Variants in BDH1 observed in about 807,000 individuals in gnomAD.
BDH1 encodes 3-hydroxybutyrate dehydrogenase 1, also known as D-beta-hydroxybutyrate dehydrogenase, mitochondrial.
BDH1 carries 30 observed loss-of-function variants against 33.1 expected under a neutral mutation model. The ratio of observed to expected loss-of-function variants is 0.91; its 90% CI spans 0.68 to 1.23. The LOEUF (loss-of-function observed/expected upper bound fraction) is 1.23. Ranked by LOEUF, BDH1 falls within the 50% of genes most tolerant of loss-of-function variation. The pLI is 0.00. For synonymous variants in BDH1, 190 were observed against 183.6 expected (o/e 1.03, Z -0.28); for missense variants, 443 against 464.4 (o/e 0.95, Z 0.42).
Position 197,511,982 on chromosome 3 carries a change from G to T in BDH1, c.945C>A (p.Tyr315Ter). Residue 315 changes from tyrosine to a stop codon, truncating the protein, a stop_gained, in exon 8 of 8, where the codon TAC becomes TAA. Coordinates refer to ENST00000392379, the MANE Select transcript of BDH1 (RefSeq NM_203314.3). LOFTEE classifies it high-confidence loss of function. ...ALTATTPYTR[Y>*]HPMDYYWWLR... ...GCCACCAGTAGTAGTCCATGGGGTG[G>T]TAGCGGGTGTAGGGGGTGGTGGCGG... 1 of 1,611,792 alleles carries T rather than the reference G, an allele frequency of 6.2e-7. No individual in the cohort carries two copies. Among genetic ancestry groups the T allele is most frequent in the Non-Finnish European group, 8.5e-7 (1 of 1,178,760 alleles).
chr3:197,541,369 T>C (rs1579964139), intron 3 of BDH1, among the ~76,000 whole-genome samples: 1 of 152,342 alleles, frequency 6.6e-6, no homozygotes, highest in African/African-American at 2.4e-5. Flanking sequence ...CCCTGTTTAT[T>C]AGAATCACTT....
At chr3:197,524,746 G>A (rs1489907938) in intron 5 of BDH1, among the ~76,000 whole-genome samples, 2 of 150,288 alleles carry the variant, frequency 1.3e-5, no homozygotes, top group African/African-American at 4.9e-5. Context: ...ATGTTTGGGG[G>A]TTGGGGGGAT....
At chr3:197,562,056 C>G (rs923549863) in intron 1 of BDH1, among the ~76,000 whole-genome samples, 2 of 152,152 alleles carry the variant, frequency 1.3e-5, no homozygotes, top group Non-Finnish European at 2.9e-5. Flanking sequence ...ATCTAAAGCT[C>G]TGTTTTCCTG....
At position 197,512,198 on chromosome 3, in the gene BDH1, A is replaced by G. The variant is rs773135340; in HGVS notation, c.729T>C (p.Ala243=). The G allele has an allele frequency of 6.2e-7, 1 of 1,613,954 alleles. No homozygotes were observed. The highest frequency in any genetic ancestry group is 1.3e-5 in the African/African-American group (1 of 74,930). ...TCTCAGGGCTGTAAAGGCTGGTGGCAGCGATGAAGTTGCCGGGCTCCACCA... is the reference window on the plus strand; with the variant it reads ...TCTCAGGGCTGTAAAGGCTGGTGGCGGCGATGAAGTTGCCGGGCTCCACCA... The part of the protein sequence containing the change: ...VSVVEPGNFI[A]ATSLYSPESI... Residue 243 remains alanine (A), a synonymous_variant, in exon 8 of 8, where the codon GCT becomes GCC. Transcript: ENST00000392379.
intron 3 of BDH1, chr3:197,538,485 G>A (rs1443704138): frequency 1.9e-5 from 8 of 425,084 alleles, no homozygotes; most frequent in South Asian, 6.9e-5. Context: ...CTGAGTAGCC[G>A]GGACTACAGG....
At position 197,538,326 on chromosome 3, in the gene BDH1, C is replaced by T. The variant is rs543057129; in HGVS notation, c.84-4765G>A. Reference sequence around the variant, plus strand: ...CTTACCTTTTCTGTATACCATTTGACGCCATTCAAATTTTGTTTTTTGTTT... The same window carrying T: ...CTTACCTTTTCTGTATACCATTTGATGCCATTCAAATTTTGTTTTTTGTTT... On this transcript the variant is annotated intron_variant, in intron 3 of 7. Coordinates refer to ENST00000392379, the MANE Select transcript of BDH1 (RefSeq NM_203314.3). The T allele has an allele frequency of 2.7e-4, 125 of 456,214 alleles. 3 individuals carry two copies. The highest frequency in any genetic ancestry group is 1.5e-3 in the East Asian group (21 of 14,394). 28.3% of individuals were successfully genotyped at this position (456,214 alleles called of 1,614,324 possible).
rs1313965097 is a variant in BDH1, at chr3:197,526,028, A to T, written c.268-3247T>A. Among the ~76,000 whole-genome samples, 1 of 152,134 alleles carries T rather than the reference A, an allele frequency of 6.6e-6. No homozygotes were observed. The highest frequency in any genetic ancestry group is 6.5e-5 in the Admixed American group (1 of 15,276). On this transcript the variant is annotated intron_variant, in intron 5 of 7. Transcript: ENST00000392379. The surrounding 1 kb of genome is among the most constrained non-coding windows in gnomAD (Gnocchi z 4.7). ...GGCTTATTGATAAACCCACTTCTTT[A>T]TCTTACTGTCCCTTTCAACCTCACC... is the stretch of plus-strand genomic sequence containing the variant.
chr3:197,547,861 TC>T (rs58144380), intron 2 of BDH1, among the ~76,000 whole-genome samples: 14,871 of 152,246 alleles, frequency 0.098, 1,133 homozygotes, highest in African/African-American at 0.21. Flanking sequence ...TCTGCCCTCA[TC>T]CTGGATGCTG....
intron 3 of BDH1, among the ~76,000 whole-genome samples, chr3:197,537,952 C>T (rs924639165): frequency 1.3e-5 from 2 of 152,062 alleles, no homozygotes; most frequent in African/African-American, 2.4e-5. Flanking sequence ...TCTGGGTTGC[C>T]GGCTGCTTCA....
At chr3:197,565,570 A>G (rs982115282) in intron 1 of BDH1, among the ~76,000 whole-genome samples, 9 of 152,178 alleles carry the variant, frequency 5.9e-5, no homozygotes, top group African/African-American at 2.2e-4. Flanking sequence ...ATTTATATAA[A>G]TATGTTATTG....
chr3:197,546,625 A>T (rs1716102217), intron 2 of BDH1, 139 bp from the exon 3 acceptor site: 6 of 591,550 alleles, frequency 1.0e-5, no homozygotes, highest in Non-Finnish European at 1.8e-5. Context: ...ACCACCAGGT[A>T]GTCCACTCTG....
chr3:197,557,450 A>C (rs59831060), upstream of BDH1, among the ~76,000 whole-genome samples: 1 of 152,356 alleles, frequency 6.6e-6, no homozygotes, highest in East Asian at 1.9e-4. This position sits in a 1 kb window ranked among gnomAD's most constrained non-coding sequence, Gnocchi z 4.6. Flanking sequence ...ATGAAGATTT[A>C]AAGAAAACTG....
rs1713792504 is a variant in BDH1 at position 197,523,655 on chromosome 3, T to A, written c.268-874A>T. ...AGGTCAAGATCAATCATTCAGCCCCTGTTCCCAGAGTCGTGTTCTAGGGAA... is the reference window on the plus strand; with the variant it reads ...AGGTCAAGATCAATCATTCAGCCCCAGTTCCCAGAGTCGTGTTCTAGGGAA... On this transcript the variant is annotated intron_variant, in intron 5 of 7. Transcript: ENST00000392379. This position sits in a 1 kb window ranked among gnomAD's most constrained non-coding sequence, Gnocchi z 4.5. Among the ~76,000 whole-genome samples the A allele has an allele frequency of 6.6e-6, 1 of 152,142 alleles. No individual in the cohort carries two copies. The highest frequency in any genetic ancestry group is 1.5e-5 in the Non-Finnish European group (1 of 68,018).
Position 197,522,699 on chromosome 3 carries a change from C to T in BDH1, c.350G>A (p.Ser117Asn), listed in dbSNP as rs760403759. The T allele has an allele frequency of 6.2e-7, 1 of 1,614,222 alleles. No homozygotes were observed. Among genetic ancestry groups the T allele is most frequent in the South Asian group, 1.1e-5 (1 of 91,088 alleles). ...LRTVQLNVCS[S>N]EEVEKVVEIV... Reference sequence around the variant, plus strand: ...CTCCACCACTTTCTCCACCTCTTCGCTGCTGCAGACATTGAGCTGGACGGT... The same window carrying T: ...CTCCACCACTTTCTCCACCTCTTCGTTGCTGCAGACATTGAGCTGGACGGT... The change falls in exon 6 of 8, where the codon AGC becomes AAC. Residue 117 changes from serine (S) to asparagine (N), a missense_variant. Ser to Asn is a conservative substitution (Grantham distance 46, BLOSUM62 1). Transcript: ENST00000392379. This position sits in a 1 kb window ranked among gnomAD's most constrained non-coding sequence, Gnocchi z 4.8.
chr3:197,544,056 A>T (rs1307492855), intron 3 of BDH1, among the ~76,000 whole-genome samples: 2 of 152,170 alleles, frequency 1.3e-5, no homozygotes, highest in African/African-American at 4.8e-5. Flanking sequence ...TATCAGCAAG[A>T]TTCACTCACA....
chr3:197,527,542 C>A (rs765723120), intron 5 of BDH1, among the ~76,000 whole-genome samples: 7 of 152,300 alleles, frequency 4.6e-5, no homozygotes, highest in South Asian at 2.1e-4. Flanking sequence ...CCCCGTTCAT[C>A]TTTCCAGATG....
At chr3:197,540,833 C>A (rs1304100752) in intron 3 of BDH1, among the ~76,000 whole-genome samples, 1 of 152,110 alleles carries the variant, frequency 6.6e-6, no homozygotes, top group Non-Finnish European at 1.5e-5. Flanking sequence ...CCACTTATAC[C>A]CAACAGTCAA....
rs1712052853 is a variant in BDH1 at position 197,511,864 on chromosome 3, G to A, written c.*31C>T. 1 of 1,522,580 alleles carries A rather than the reference G, an allele frequency of 6.6e-7. No homozygotes were observed. Among genetic ancestry groups the A allele is most frequent in the Non-Finnish European group, 8.8e-7 (1 of 1,132,900 alleles). 94.3% of individuals were successfully genotyped at this position (1,522,580 alleles called of 1,614,324 possible). On this transcript the variant is annotated 3_prime_UTR_variant, in exon 8 of 8. Transcript: ENST00000392379. The stretch of plus-strand genomic sequence containing the variant: ...CCTCCCTCCCCTCCCCTTCCACCAG[G>A]GATCCCTGACAGAGGCCACAGCGAG...
intron 3 of BDH1, among the ~76,000 whole-genome samples, chr3:197,541,099 C>T (rs1410020010): frequency 3.3e-5 from 5 of 152,216 alleles, no homozygotes; most frequent in Admixed American, 6.5e-5. Context: ...TGTGGGATCC[C>T]CATCTTAGGG....
Sources: allele counts gnomAD v4.1 joint callset (sites outside exome capture counted in the v4.1 genomes callset), GRCh38; gene constraint gnomAD v4.1.1; non-coding constraint Gnocchi (gnomAD v3.1); transcripts MANE v1.5; gene names NCBI Gene and HGNC (gene_info 2026-07-23, HGNC 2026-07-21).